The following PAX8 variants were observed in gnomAD, a reference collection of about 807,000 sequenced individuals.
PAX8 encodes the protein paired box protein Pax-8.
PAX8 carries 15 observed loss-of-function variants against 52.4 expected under a neutral mutation model. The ratio of observed to expected loss-of-function variants is 0.29; its 90% CI spans 0.19 to 0.44. The LOEUF is 0.44. Among genes scored for constraint, PAX8 ranks in the 20% least tolerant of loss-of-function variants. The pLI, the probability that PAX8 is intolerant of heterozygous loss-of-function variation, is 1.00. For synonymous variants in PAX8, 284 were observed against 249.7 expected (o/e 1.14, Z -1.29); for missense variants, 554 against 602.5 (o/e 0.92, Z 0.84).
At chr2:113,250,832 C>CT (rs915870135) in intron 2 of PAX8, 41 of 152,178 alleles carry the variant, frequency 2.7e-4, no homozygotes, top group African/African-American at 9.2e-4. Flanking sequence ...AACTTCGAAC[C>CT]TTTTGGGGGA....
At chr2:113,243,248 T>A (rs1312172142) in intron 4 of PAX8, among the ~76,000 whole-genome samples, 1 of 152,232 alleles carries the variant, frequency 6.6e-6, no homozygotes, top group East Asian at 1.9e-4. Flanking sequence ...GCTTAAAATC[T>A]GCCAAGGGTT....
Position 113,218,629 on chromosome 2 carries a change from AT to A in PAX8, c.1277-21del, listed in dbSNP as rs779148351. 3.9e-5 allele frequency: 59 copies of A among 1,502,800 alleles called. No individual in the cohort carries two copies. In the East Asian group the frequency reaches 1.4e-3, roughly 35 times the overall value. The allele number at this position is 1,502,800 out of a possible 1,614,324, so 93.1% of individuals were successfully genotyped here. A position where few individuals can be genotyped will look rare whatever the true frequency, so the allele number is the denominator to read the frequency against. Reference sequence around the variant, plus strand: ...GGGAACCTGGACACATTAAAAAAAAATAACAACAACACTGCTGGTCAGAAAG... The same window carrying A: ...GGGAACCTGGACACATTAAAAAAAAAAACAACAACACTGCTGGTCAGAAAG... On this transcript the variant is annotated intron_variant, in intron 11 of 11. Coordinates refer to ENST00000429538, the MANE Select transcript of PAX8 (RefSeq NM_003466.4).
chr2:113,226,669 G>GTCATCA lies in PAX8; in HGVS notation c.1189+480_1189+485dup, dbSNP rs34633676. ...ATATTTCATCATCATCATCGTCATC[G>GTCATCA]TCATCATCATCATCATCATCATCAA... On this transcript the variant is annotated intron_variant, in intron 10 of 11. Coordinates refer to ENST00000429538, the MANE Select transcript of PAX8 (RefSeq NM_003466.4). 1.6e-3 allele frequency: 1,681 copies of GTCATCA among 1,057,380 alleles called. 16 individuals are homozygous for GTCATCA. In the African/African-American group the frequency reaches 0.02, roughly 13 times the overall value. 65.5% of individuals were successfully genotyped at this position (1,057,380 alleles called of 1,614,324 possible).
chr2:113,250,091 C>G (rs1308699209), intron 2 of PAX8, among the ~76,000 whole-genome samples: 1 of 151,854 alleles, frequency 6.6e-6, no homozygotes, highest in Non-Finnish European at 1.5e-5. Flanking sequence ...CATGGTGAAA[C>G]CCCGTCTCTA....
At chr2:113,255,067 G>A (rs868858269) in intron 2 of PAX8, among the ~76,000 whole-genome samples, 148 of 149,670 alleles carry the variant, frequency 9.9e-4, no homozygotes, top group Middle Eastern at 3.4e-3. Context: ...AGGAAGGAAG[G>A]ACAGAAAGAA....
In PAX8 at chr2:113,278,831, C is replaced by G. The variant is rs1481347361; in HGVS notation, c.-76G>C. 1.9e-6 allele frequency: 2 copies of G among 1,069,190 alleles called. No individual in the cohort carries two copies. Among genetic ancestry groups the G allele is most frequent in the African/African-American group, 3.3e-5 (2 of 60,800 alleles). 66.2% of individuals were successfully genotyped at this position (1,069,190 alleles called of 1,614,324 possible). ...TCCAGCTAACCCCTGGGTGACATACCTGGCCGGCCGGCTGCAGGCCCTCAC... is the reference window on the plus strand; with the variant it reads ...TCCAGCTAACCCCTGGGTGACATACGTGGCCGGCCGGCTGCAGGCCCTCAC... On this transcript the variant is annotated splice_region_variant and 5_prime_UTR_variant, in exon 1 of 12. Coordinates refer to ENST00000429538, the MANE Select transcript of PAX8 (RefSeq NM_003466.4).
Position 113,235,449 on chromosome 2 carries a change from G to C in PAX8, c.1032C>G (p.Ala344=). The C allele has an allele frequency of 6.2e-7, 1 of 1,610,222 alleles. No homozygotes were observed. The highest frequency in any genetic ancestry group is 1.7e-4 in the Middle Eastern group (1 of 6,056). ...QVGSGVPPFN[A]FPHAASVYGQ... ...CGTACACGGAGGCAGCATGGGGAAA[G>C]GCATTGAAGGGCGGGACCCCGGAGC... is the stretch of plus-strand genomic sequence containing the variant. The change falls in exon 9 of 12, where the codon GCC becomes GCG. Residue 344 remains alanine, a synonymous_variant. Coordinates refer to ENST00000429538, the MANE Select transcript of PAX8 (RefSeq NM_003466.4).
At chr2:113,274,252 CTT>C (rs1323628954) in intron 2 of PAX8, 2 of 152,154 alleles carry the variant, frequency 1.3e-5, no homozygotes, top group Non-Finnish European at 2.9e-5. Flanking sequence ...CAGATAAAGA[CTT>C]TGACAGCCAG....
intron 2 of PAX8, chr2:113,272,792 C>A (rs548995327): frequency 6.6e-6 from 1 of 152,154 alleles, no homozygotes. Flanking sequence ...GAATCCCTCC[C>A]GCAAAGAACT....
At chr2:113,242,387 A>G (rs1690934270) in intron 5 of PAX8, among the ~76,000 whole-genome samples, 1 of 152,064 alleles carries the variant, frequency 6.6e-6, no homozygotes, top group Non-Finnish European at 1.5e-5. Flanking sequence ...AGCAAGCCGA[A>G]CCATGGACTG....
At chr2:113,219,045 T>G (rs1017951489) in intron 11 of PAX8, among the ~76,000 whole-genome samples, 2 of 152,172 alleles carry the variant, frequency 1.3e-5, no homozygotes, top group Non-Finnish European at 2.9e-5. Flanking sequence ...GATCTGGGCT[T>G]GACGGCCCTT....
intron 3 of PAX8, 47 bp from the exon 4 acceptor site, chr2:113,244,671 G>T (rs529398611): frequency 6.4e-7 from 1 of 1,567,830 alleles, no homozygotes; most frequent in South Asian, 1.1e-5. Context: ...AGCAGGTGGG[G>T]TCTTTAGACA....
intron 2 of PAX8, among the ~76,000 whole-genome samples, 193 bp downstream of exon 2, chr2:113,278,177 G>A (rs1216194210): frequency 6.6e-6 from 1 of 152,228 alleles, no homozygotes; most frequent in Non-Finnish European, 1.5e-5. Context: ...AGCTGGCCGG[G>A]TGGAACCCCA....
chr2:113,219,941 G>T, intron 11 of PAX8, 151 bp downstream of exon 11: 1 of 610,794 alleles, frequency 1.6e-6, no homozygotes, highest in East Asian at 2.8e-5. Context: ...CTGCCCTCCT[G>T]CTGCCTTCTT....
intron 8 of PAX8, chr2:113,235,815 C>G: frequency 1.9e-6 from 1 of 525,814 alleles, no homozygotes. Flanking sequence ...ACCCGGAAGG[C>G]GTGTGTGCGC....
At chr2:113,243,579 A>T (rs1237568187) in intron 4 of PAX8, among the ~76,000 whole-genome samples, 1 of 152,124 alleles carries the variant, frequency 6.6e-6, no homozygotes, top group East Asian at 1.9e-4. Context: ...TTTAGAAGAG[A>T]TGGGGTTTCA....
At chr2:113,261,605 G>A (rs17043146) in intron 2 of PAX8, among the ~76,000 whole-genome samples, 13,141 of 152,176 alleles carry the variant, frequency 0.086, 1,034 homozygotes, top group African/African-American at 0.21. Flanking sequence ...CTTCTGAGAG[G>A]ATCCTTGACC....
chr2:113,244,371 A>C, intron 4 of PAX8, 56 bp downstream of exon 4: 1 of 1,362,728 alleles, frequency 7.3e-7, no homozygotes, highest in South Asian at 1.2e-5. Context: ...CTCTTTCCTG[A>C]TTTCCCCAAA....
intron 10 of PAX8, chr2:113,226,597 G>A (rs1038325713): frequency 4.8e-6 from 5 of 1,050,622 alleles, no homozygotes; most frequent in African/African-American, 1.7e-5. Context: ...AGAGTACCTA[G>A]AACCCGGGTC....
Sources: allele counts gnomAD v4.1 joint callset (sites outside exome capture counted in the v4.1 genomes callset), GRCh38; gene constraint gnomAD v4.1.1; transcripts MANE v1.5; gene names NCBI Gene and HGNC (gene_info 2026-07-23, HGNC 2026-07-21).